Variants in XIRP2 observed in about 807,000 individuals in gnomAD.
XIRP2 encodes the protein xin actin binding repeat containing 2.
XIRP2 carries 236 observed loss-of-function variants against 277.0 expected under a neutral mutation model. That is an observed-to-expected ratio of 0.85 (90% CI 0.77 to 0.95). XIRP2 has a LOEUF of 0.95. Ranked by LOEUF, XIRP2 falls within the 40% of genes least tolerant of loss-of-function variation. The pLI, the probability that XIRP2 is intolerant of heterozygous loss-of-function variation, is 0.00. For synonymous variants in XIRP2, 1,490 were observed against 1,416.5 expected (o/e 1.05, Z -1.17); for missense variants, 4,640 against 4,157.5 (o/e 1.12, Z -3.19).
At chr2:167,150,949 G>A (rs2105331370) in intron 3 of XIRP2, among the ~76,000 whole-genome samples, 1 of 152,048 alleles carries the variant, frequency 6.6e-6, no homozygotes, top group Non-Finnish European at 1.5e-5. Context: ...TTTTAATTTA[G>A]TGGAAATTTG....
At chr2:167,084,790 C>A (rs1238977029) in intron 2 of XIRP2, among the ~76,000 whole-genome samples, 1 of 149,040 alleles carries the variant, frequency 6.7e-6, no homozygotes, top group Non-Finnish European at 1.5e-5. Flanking sequence ...TGGTGATATC[C>A]CCTTTATCAT....
chr2:167,202,502 C>A (rs1177363788), intron 3 of XIRP2, among the ~76,000 whole-genome samples: 2 of 152,174 alleles, frequency 1.3e-5, no homozygotes, highest in Non-Finnish European at 1.5e-5. Flanking sequence ...AGATTTGAAT[C>A]TAAATGGACA....
intron 2 of XIRP2, among the ~76,000 whole-genome samples, chr2:167,060,218 T>G (rs1309309675): frequency 2.6e-5 from 4 of 152,152 alleles, no homozygotes; most frequent in Admixed American, 2.0e-4. Flanking sequence ...GACCAGAAAT[T>G]TATGTAACCC....
rs1695402585 is a variant in XIRP2, at chr2:167,249,556, T to C, written c.8164T>C (p.Leu2722=). 8 of 1,613,700 alleles carry C rather than the reference T, an allele frequency of 5.0e-6. No individual in the cohort carries two copies. The highest frequency in any genetic ancestry group is 1.3e-5 in the African/African-American group (1 of 74,984). Residue 2722 remains leucine (L), a synonymous_variant, in exon 9 of 11, where the codon TTA becomes CTA. Coordinates refer to ENST00000409195, the MANE Select transcript of XIRP2 (RefSeq NM_152381.6). ...CAAACTTCCAACTCTAGATCATACA[T>C]TAAATGAAACAGACCACAGCTATGA... ...TIKLPTLDHT[L]NETDHSYESH... is the part of the protein sequence containing the mutation.
intron 2 of XIRP2, among the ~76,000 whole-genome samples, chr2:166,951,388 A>C (rs1686029037): frequency 6.6e-6 from 1 of 151,872 alleles, no homozygotes. Context: ...TGGCAAGAGC[A>C]GGAGAAACAG....
At chr2:167,205,066 T>C (rs1014219623) in intron 3 of XIRP2, among the ~76,000 whole-genome samples, 1 of 152,170 alleles carries the variant, frequency 6.6e-6, no homozygotes, top group Non-Finnish European at 1.5e-5. Context: ...TAGCACATAT[T>C]CACATGGCCA....
At chr2:166,918,052 C>A (rs1684937854) in intron 2 of XIRP2, among the ~76,000 whole-genome samples, 1 of 152,044 alleles carries the variant, frequency 6.6e-6, no homozygotes, top group South Asian at 2.1e-4. Context: ...GCAGGAATAC[C>A]ACAGGAGTGA....
intron 5 of XIRP2, among the ~76,000 whole-genome samples, chr2:167,218,650 T>C (rs991075383): frequency 1.3e-5 from 2 of 152,172 alleles, no homozygotes; most frequent in African/African-American, 4.8e-5. Flanking sequence ...TTATAATTCA[T>C]AATAAACTAG....
chr2:167,132,389 C>T (rs1691403039), intron 2 of XIRP2, among the ~76,000 whole-genome samples: 1 of 152,090 alleles, frequency 6.6e-6, no homozygotes, highest in African/African-American at 2.4e-5. Context: ...CAGAATAAGG[C>T]TCTAATAACA....
At chr2:167,148,488 A>T (rs1018495397) in intron 3 of XIRP2, among the ~76,000 whole-genome samples, 1 of 138,150 alleles carries the variant, frequency 7.2e-6, no homozygotes, top group Non-Finnish European at 1.6e-5. Flanking sequence ...GGAGGGAGGG[A>T]GAGGAAAGAA....
intron 3 of XIRP2, among the ~76,000 whole-genome samples, chr2:167,160,661 G>A (rs1239366989): frequency 6.6e-6 from 1 of 152,078 alleles, no homozygotes; most frequent in Non-Finnish European, 1.5e-5. Context: ...TGATTCAATT[G>A]CCTCCCACTG....
chr2:167,237,754 G>C, intron 5 of XIRP2, among the ~76,000 whole-genome samples: 1 of 152,228 alleles, frequency 6.6e-6, no homozygotes, highest in East Asian at 1.9e-4. Flanking sequence ...TTCTGATCAG[G>C]TGCACATTCT....
At chr2:166,985,166 T>TC (rs1351505371) in intron 2 of XIRP2, among the ~76,000 whole-genome samples, 1 of 152,274 alleles carries the variant, frequency 6.6e-6, no homozygotes, top group East Asian at 1.9e-4. Context: ...ATTCTTTTTT[T>TC]CCCCTTTGTC....
chr2:167,094,790 G>C (rs1289539646), intron 2 of XIRP2, among the ~76,000 whole-genome samples: 1 of 152,128 alleles, frequency 6.6e-6, no homozygotes, highest in Non-Finnish European at 1.5e-5. Context: ...GGATTGTCTT[G>C]GCAATGCGGG....
Position 167,158,267 on chromosome 2 carries a change from C to T in XIRP2, c.562+22205C>T, listed in dbSNP as rs548905686. Among the ~76,000 whole-genome samples the T allele has an allele frequency of 2.6e-4, 39 of 152,186 alleles. No homozygotes were observed. The South Asian group carries it at 3.1e-3, about 12-fold the overall frequency. ...TATTTCTCATTTACAACTATAAATG[C>T]GTTTGAGGTAAGAGTCTAGAAAATT... is the stretch of plus-strand genomic sequence containing the variant. On this transcript the variant is annotated intron_variant, in intron 3 of 10. Coordinates refer to ENST00000409195, the MANE Select transcript of XIRP2 (RefSeq NM_152381.6).
intron 2 of XIRP2, among the ~76,000 whole-genome samples, chr2:167,075,454 C>A (rs1049106419): frequency 6.6e-6 from 1 of 152,170 alleles, no homozygotes; most frequent in African/African-American, 2.4e-5. Context: ...CACGTCATTT[C>A]TAAGAGTTTC....
chr2:167,014,980 A>G (rs1031482074), intron 2 of XIRP2, among the ~76,000 whole-genome samples: 1 of 151,784 alleles, frequency 6.6e-6, no homozygotes, highest in African/African-American at 2.4e-5. Context: ...CATGCAATCA[A>G]CCATAATTTT....
intron 2 of XIRP2, among the ~76,000 whole-genome samples, chr2:167,081,256 G>C (rs551370190): frequency 2.4e-4 from 36 of 152,138 alleles, no homozygotes; most frequent in African/African-American, 8.4e-4. Flanking sequence ...ACTTGAGGCT[G>C]GGATTTTGAG....
At chr2:167,138,651 G>A (rs1691624472) in intron 3 of XIRP2, among the ~76,000 whole-genome samples, 2 of 152,174 alleles carry the variant, frequency 1.3e-5, no homozygotes, top group Admixed American at 1.3e-4. Flanking sequence ...GTCATTAAAT[G>A]TCAAGCATAG....
Sources: gnomAD v4.1 joint callset for allele counts (sites outside exome capture counted in the v4.1 genomes callset) on GRCh38, gnomAD v4.1.1 for gene constraint, MANE v1.5 for transcripts, NCBI Gene and HGNC (gene_info 2026-07-23, HGNC 2026-07-21) for gene names.